NRXN3: variants seen among roughly 807,000 people sequenced by gnomAD.
NRXN3 encodes neurexin 3.
In NRXN3, 32 loss-of-function variants were observed where a neutral mutation model predicts 137.6. The observed-to-expected ratio is 0.23, with a 90% confidence interval of 0.18 to 0.31. The LOEUF is 0.31. Ranked by LOEUF, NRXN3 falls within the 10% of genes least tolerant of loss-of-function variation. NRXN3 has a pLI of 1.00. For synonymous variants in NRXN3, 798 were observed against 784.5 expected, an observed-to-expected ratio of 1.02 and a Z score of -0.29; for missense variants, 1,574 against 2,062.5, an observed-to-expected ratio of 0.76 and a Z score of 4.59.
chr14:79,024,431 C>G (rs2099594876), intron 15 of NRXN3, among the ~76,000 whole-genome samples: 1 of 152,144 alleles, frequency 6.6e-6, no homozygotes, highest in Non-Finnish European at 1.5e-5. Flanking sequence ...CAGCTGATGA[C>G]TCTGTGATAA....
chr14:79,707,046 T>A (rs947151713), intron 19 of NRXN3, among the ~76,000 whole-genome samples: 1 of 152,192 alleles, frequency 6.6e-6, no homozygotes, highest in Non-Finnish European at 1.5e-5. Context: ...GCTGAGTATA[T>A]TGTGTGAGCA....
intron 15 of NRXN3, among the ~76,000 whole-genome samples, chr14:79,338,742 T>A (rs2092428194): frequency 6.6e-6 from 1 of 152,196 alleles, no homozygotes; most frequent in African/African-American, 2.4e-5. Context: ...TGAATCATAT[T>A]TAAATCTTTC....
chr14:78,191,914 AG>A (rs1218820750), intron 1 of NRXN3, among the ~76,000 whole-genome samples: 2 of 151,730 alleles, frequency 1.3e-5, no homozygotes, highest in Non-Finnish European at 2.9e-5. Context: ...GGCCCTGGTG[AG>A]GGGGGGAGGG....
At position 79,713,164 on chromosome 14, in the gene NRXN3, CTTTTTTT is replaced by C. The variant is rs574716352; in HGVS notation, c.4014+15247_4014+15253del. ...AATTCCTTGACTGCACTGATTTTTA[CTTTTTTT>C]TTTTTTTTTTTTTTTTTTTACCCTC... On this transcript the variant is annotated intron_variant, in intron 19 of 20. Coordinates refer to ENST00000335750, the MANE Select transcript of NRXN3 (RefSeq NM_001330195.2). Among the ~76,000 whole-genome samples, 27 of 80,892 alleles carry C rather than the reference CTTTTTTT, an allele frequency of 3.3e-4. 1 individual carries two copies. The highest frequency in any genetic ancestry group is 8.8e-4 in the East Asian group (2 of 2,278). 53.1% of individuals were successfully genotyped at this position (80,892 alleles called of 152,430 possible). A position where few individuals can be genotyped will look rare whatever the true frequency, so the allele number is the denominator to read the frequency against.
intron 15 of NRXN3, among the ~76,000 whole-genome samples, chr14:79,386,056 T>C (rs1022733719): frequency 6.6e-6 from 1 of 152,038 alleles, no homozygotes; most frequent in Admixed American, 6.6e-5. Flanking sequence ...GACAAGGATG[T>C]CCTCTCTCAC....
At chr14:79,167,403 C>G (rs1225007646) in intron 15 of NRXN3, among the ~76,000 whole-genome samples, 2 of 151,882 alleles carry the variant, frequency 1.3e-5, no homozygotes, top group Non-Finnish European at 2.9e-5. Flanking sequence ...CTCTATGTGT[C>G]TTCTCTCCCT....
chr14:79,370,482 C>A lies in NRXN3; in HGVS notation c.3263-96739C>A, dbSNP rs541050702. On this transcript the variant is annotated intron_variant, in intron 15 of 20. Transcript: ENST00000335750. ...TACAGGCATGCGCTACCATGCCTGG[C>A]TAATTTTGTTTTTTTAGTAGAGACA... Among the ~76,000 whole-genome samples the A allele has an allele frequency of 5.3e-5, 8 of 151,934 alleles. No individual in the cohort carries two copies. In the East Asian group the frequency reaches 1.6e-3, roughly 29 times the overall value.
At chr14:79,574,343 C>A (rs1455384582) in intron 16 of NRXN3, among the ~76,000 whole-genome samples, 3 of 152,060 alleles carry the variant, frequency 2.0e-5, no homozygotes, top group African/African-American at 7.2e-5. Context: ...TAGAGTTTCA[C>A]AACTGCCTAT....
At chr14:78,933,433 G>T (rs566100699) in intron 10 of NRXN3, among the ~76,000 whole-genome samples, 1 of 152,188 alleles carries the variant, frequency 6.6e-6, no homozygotes, top group Non-Finnish European at 1.5e-5. Flanking sequence ...GTGGCTAACT[G>T]ATCTTTAGTT....
chr14:78,475,228 T>A (rs994033394), intron 4 of NRXN3, among the ~76,000 whole-genome samples: 4 of 1,210 alleles, frequency 3.3e-3, no homozygotes, highest in African/African-American at 4.1e-3. Flanking sequence ...TCTTTGTGGA[T>A]ATTCCCCTTT....
chr14:78,256,616 C>T (rs1006028684), intron 2 of NRXN3, among the ~76,000 whole-genome samples: 1 of 152,200 alleles, frequency 6.6e-6, no homozygotes, highest in Non-Finnish European at 1.5e-5. Context: ...AAATAGGGCA[C>T]AGGCCAAGAC....
intron 14 of NRXN3, among the ~76,000 whole-genome samples, chr14:78,981,945 A>G (rs1022738196): frequency 1.3e-5 from 2 of 152,208 alleles, no homozygotes; most frequent in South Asian, 4.1e-4. Flanking sequence ...CAAAATGATC[A>G]TCTAGAAATT....
intron 1 of NRXN3, among the ~76,000 whole-genome samples, chr14:78,185,970 C>T (rs1595705168): frequency 6.6e-6 from 1 of 152,084 alleles, no homozygotes; most frequent in African/African-American, 2.4e-5. Flanking sequence ...TGTATTGGTG[C>T]ATGGGGTGGC....
intron 17 of NRXN3, among the ~76,000 whole-genome samples, chr14:79,671,693 G>T (rs1332863185): frequency 6.6e-6 from 1 of 151,926 alleles, no homozygotes; most frequent in African/African-American, 2.4e-5. Context: ...TTTCTTCTCT[G>T]TGAATTCCCA....
At chr14:78,383,412 A>C (rs932674803) in intron 4 of NRXN3, among the ~76,000 whole-genome samples, 2 of 152,194 alleles carry the variant, frequency 1.3e-5, no homozygotes, top group Non-Finnish European at 2.9e-5. Context: ...CAATGGTTTC[A>C]AACCAGTGCA....
In NRXN3 at chr14:79,861,750, G is replaced by T. The variant is rs1299457319; in HGVS notation, c.4502G>T (p.Gly1501Val). The change falls in exon 21 of 21, where the codon GGC becomes GTC. Residue 1501 changes from glycine to valine, a missense_variant. Gly to Val is a moderately radical substitution (Grantham distance 109). Coordinates refer to ENST00000335750, the MANE Select transcript of NRXN3 (RefSeq NM_001330195.2). This position sits in a 1 kb window ranked among gnomAD's most constrained non-coding sequence, Gnocchi z 5.4. Reference sequence around the variant, plus strand: ...AGCAGCACAACAGGGATGGTCGTCGGCATTGTGGCTGCTGCCGCCCTCTGC... The same window carrying T: ...AGCAGCACAACAGGGATGGTCGTCGTCATTGTGGCTGCTGCCGCCCTCTGC... Reference protein sequence around the residue: ...ESSSTTGMVVGIVAAAALCIL... With the variant: ...ESSSTTGMVVVIVAAAALCIL... 6.2e-7 allele frequency: 1 copy of T among 1,614,098 alleles called. No individual in the cohort carries two copies.
At chr14:79,165,777 T>G (rs1278096734) in intron 15 of NRXN3, among the ~76,000 whole-genome samples, 1 of 151,956 alleles carries the variant, frequency 6.6e-6, no homozygotes, top group African/African-American at 2.4e-5. Flanking sequence ...TCAGCATCTC[T>G]TCAGAAACAA....
At chr14:79,199,772 C>G (rs965214338) in intron 15 of NRXN3, among the ~76,000 whole-genome samples, 2 of 152,036 alleles carry the variant, frequency 1.3e-5, no homozygotes, top group Admixed American at 1.3e-4. Flanking sequence ...CCAGCTTGAG[C>G]AAAGGATCAG....
chr14:79,584,027 C>A (rs1456892609), intron 16 of NRXN3, among the ~76,000 whole-genome samples: 1 of 152,150 alleles, frequency 6.6e-6, no homozygotes. Context: ...TCCATGAAGT[C>A]ATCATAGACT....
Sources: gnomAD v4.1 joint callset for allele counts (sites outside exome capture counted in the v4.1 genomes callset) on GRCh38, gnomAD v4.1.1 for gene constraint, Gnocchi (gnomAD v3.1) non-coding constraint, MANE v1.5 for transcripts, NCBI Gene and HGNC (gene_info 2026-07-23, HGNC 2026-07-21) for gene names.